Variants in NFIA observed in about 807,000 individuals in gnomAD.
NFIA encodes nuclear factor I A.
A neutral mutation model predicts 62.8 loss-of-function variants in NFIA; 8 were observed. That is an observed-to-expected ratio of 0.13 (90% CI 0.07 to 0.23). The LOEUF (loss-of-function observed/expected upper bound fraction) is 0.23, where lower values mean the gene tolerates loss of function less well. NFIA is among the 10% of genes least tolerant of loss of function. NFIA has a pLI of 1.00. For synonymous variants in NFIA, 235 were observed against 238.1 expected, an observed-to-expected ratio of 0.99 and a Z score of 0.12; for missense variants, 410 against 642.1, an observed-to-expected ratio of 0.64 and a Z score of 3.91.
chr1:61,404,148 C>T lies in NFIA; in HGVS notation c.1120C>T (p.Pro374Ser), dbSNP rs186952032. 1.5e-5 allele frequency: 24 copies of T among 1,614,172 alleles called. No homozygotes were observed. In the East Asian group the frequency reaches 5.3e-4, roughly 36 times the overall value. Residue 374 changes from proline (P) to serine (S), a missense_variant, in exon 8 of 11, where the codon CCC (proline) becomes TCC (serine). Physicochemically the swap from Pro to Ser is moderately conservative, Grantham distance 74 (BLOSUM62 -1). This residue lies in a region of NFIA where 298 missense variants were observed against 438.1 expected (regional missense o/e 0.68). Coordinates refer to ENST00000403491, the MANE Select transcript of NFIA (RefSeq NM_001134673.4). ...ATCGACTCTTCATTTCCCGACATCA[C>T]CCATTATCCAGCAGCCTGGGCCTTA... ...TPSTLHFPTS[P>S]IIQQPGPYFS...
chr1:61,215,961 A>T (rs1244122338), intron 2 of NFIA, among the ~76,000 whole-genome samples: 2 of 152,222 alleles, frequency 1.3e-5, no homozygotes, highest in Non-Finnish European at 2.9e-5. Context: ...GAAATGCTTG[A>T]TGGCTTATTT....
intron 2 of NFIA, among the ~76,000 whole-genome samples, chr1:61,244,669 A>T (rs1283645834): frequency 6.6e-6 from 1 of 152,190 alleles, no homozygotes; most frequent in African/African-American, 2.4e-5. Flanking sequence ...AAATAATGTG[A>T]CAGTGTTTTC....
At chr1:61,213,583 G>C (rs146499871) in intron 2 of NFIA, among the ~76,000 whole-genome samples, 69 of 152,306 alleles carry the variant, frequency 4.5e-4, no homozygotes, top group Middle Eastern at 6.8e-3. Flanking sequence ...GCTCTGTAGT[G>C]ATCTTATTTT....
At chr1:61,128,169 C>G (rs375933884) in intron 2 of NFIA, among the ~76,000 whole-genome samples, 1 of 152,070 alleles carries the variant, frequency 6.6e-6, no homozygotes, top group East Asian at 1.9e-4. Flanking sequence ...CACGCTGGCT[C>G]AAACTCCTGG....
chr1:61,124,383 G>C (rs1646934824), intron 2 of NFIA, among the ~76,000 whole-genome samples: 1 of 152,218 alleles, frequency 6.6e-6, no homozygotes, highest in African/African-American at 2.4e-5. Flanking sequence ...GAACGATGTA[G>C]AGAGTGTTGT....
At chr1:61,209,900 A>G (rs926622254) in intron 2 of NFIA, among the ~76,000 whole-genome samples, 5 of 152,208 alleles carry the variant, frequency 3.3e-5, no homozygotes, top group Non-Finnish European at 5.9e-5. Flanking sequence ...TTTGGAAAAT[A>G]CAGAAAAATG....
At chr1:61,200,431 G>C (rs185341603) in intron 2 of NFIA, among the ~76,000 whole-genome samples, 3 of 151,966 alleles carry the variant, frequency 2.0e-5, no homozygotes, top group African/African-American at 7.3e-5. Flanking sequence ...AGAAATTAAG[G>C]AAGATTAATT....
At chr1:61,280,244 C>G (rs570918643) in intron 3 of NFIA, among the ~76,000 whole-genome samples, 1 of 152,130 alleles carries the variant, frequency 6.6e-6, no homozygotes, top group Non-Finnish European at 1.5e-5. Context: ...TCTGGTGTTG[C>G]GTTGATCAAG....
chr1:61,144,011 T>C (rs1647737281), intron 2 of NFIA, among the ~76,000 whole-genome samples: 1 of 152,236 alleles, frequency 6.6e-6, no homozygotes, highest in Non-Finnish European at 1.5e-5. Flanking sequence ...TATCTGTTTT[T>C]CAAATACAAA....
chr1:61,406,543 G>GACCC lies in NFIA; in HGVS notation c.1255-19_1255-18insACCC. ...TCTTTTTCTTGTACGTGTGTTTTCT[G>GACCC]CCCCCCCCCCCCCCACAGCCCAATG... On this transcript the variant is annotated intron_variant, in intron 8 of 10. Transcript: ENST00000403491. 1.1e-6 allele frequency: 1 copy of GACCC among 876,650 alleles called. No individual in the cohort carries two copies. The highest frequency in any genetic ancestry group is 1.5e-6 in the Non-Finnish European group (1 of 653,742). 54.3% of individuals were successfully genotyped at this position (876,650 alleles called of 1,614,324 possible).
At chr1:61,083,552 C>A (rs1045986029) in intron 1 of NFIA, among the ~76,000 whole-genome samples, 1 of 151,918 alleles carries the variant, frequency 6.6e-6, no homozygotes, top group Admixed American at 6.5e-5. Context: ...CGCGTTCCCC[C>A]GCGCCGGCCG....
chr1:61,449,197 T>G (rs1031729771), intron 10 of NFIA, among the ~76,000 whole-genome samples: 2 of 152,160 alleles, frequency 1.3e-5, no homozygotes, highest in African/African-American at 4.8e-5. Context: ...TTGTGGAGAC[T>G]TGTGTCCCTC....
intron 2 of NFIA, among the ~76,000 whole-genome samples, chr1:61,173,268 A>C (rs1258173512): frequency 6.6e-6 from 1 of 152,230 alleles, no homozygotes; most frequent in African/African-American, 2.4e-5. Flanking sequence ...CACATTGGCT[A>C]GTAAGTAAAA....
chr1:61,110,098 A>G (rs1362565398), intron 2 of NFIA, among the ~76,000 whole-genome samples: 1 of 80,628 alleles, frequency 1.2e-5, no homozygotes, highest in East Asian at 2.4e-4. Context: ...TCAGCACAGT[A>G]TGAAACTAAG....
At chr1:61,252,560 T>TA (rs1462261991) in intron 2 of NFIA, among the ~76,000 whole-genome samples, 1 of 152,238 alleles carries the variant, frequency 6.6e-6, no homozygotes, top group Non-Finnish European at 1.5e-5. Flanking sequence ...GTTGTAAAAA[T>TA]AAGAGTTTTG....
At chr1:61,082,876 G>A in intron 1 of NFIA, 58 bp downstream of exon 1, 1 of 1,517,052 alleles carries the variant, frequency 6.6e-7, no homozygotes, top group Non-Finnish European at 8.8e-7. Context: ...GGCAGGGCTG[G>A]GGCTGGGTGG....
At chr1:61,390,275 A>C (rs1664904206) in intron 7 of NFIA, among the ~76,000 whole-genome samples, 1 of 152,246 alleles carries the variant, frequency 6.6e-6, no homozygotes, top group Non-Finnish European at 1.5e-5. Flanking sequence ...TAAGTACCAA[A>C]GAATTCAGAC....
intron 2 of NFIA, among the ~76,000 whole-genome samples, chr1:61,118,077 C>G (rs1646822304): frequency 6.6e-6 from 1 of 151,438 alleles, no homozygotes; most frequent in Non-Finnish European, 1.5e-5. Context: ...CCCAGCTACT[C>G]AGGAGGTTGA....
At chr1:61,314,982 G>C (rs1162342394) in intron 3 of NFIA, among the ~76,000 whole-genome samples, 1 of 152,012 alleles carries the variant, frequency 6.6e-6, no homozygotes, top group Admixed American at 6.5e-5. Context: ...GATATTTGTT[G>C]AATGAATAAA....
Sources: allele counts gnomAD v4.1 joint callset (sites outside exome capture counted in the v4.1 genomes callset), GRCh38; gene constraint gnomAD v4.1.1; regional missense constraint gnomAD v4.1.1; transcripts MANE v1.5; gene names NCBI Gene and HGNC (gene_info 2026-07-23, HGNC 2026-07-21).